The following GMDS variants were observed in gnomAD, a reference collection of about 807,000 sequenced individuals.
The protein encoded by GMDS is GDP-mannose 4,6 dehydratase.
GMDS carries 20 observed loss-of-function variants against 49.9 expected under a neutral mutation model. That is an observed-to-expected ratio of 0.40 (90% CI 0.28 to 0.58). The LOEUF (loss-of-function observed/expected upper bound fraction) is 0.58. GMDS is among the 20% of genes least tolerant of loss of function. The pLI, the probability that GMDS is intolerant of heterozygous loss-of-function variation, is 0.42. For missense variants in GMDS, 362 were observed against 481.4 expected, an observed-to-expected ratio of 0.75 and a Z score of 2.32; for synonymous variants, 177 against 178.6, an observed-to-expected ratio of 0.99 and a Z score of 0.07.
chr6:1,987,430 T>C (rs1046544321), intron 4 of GMDS, among the ~76,000 whole-genome samples: 1 of 152,194 alleles, frequency 6.6e-6, no homozygotes, highest in Non-Finnish European at 1.5e-5. Context: ...CATTGAGTAT[T>C]TGCAAAACTA....
intron 9 of GMDS, among the ~76,000 whole-genome samples, chr6:1,698,831 A>G (rs1406784334): frequency 1.4e-5 from 2 of 147,966 alleles, no homozygotes; most frequent in African/African-American, 5.0e-5. Context: ...TTCCTCAGGA[A>G]GGAGCAGATA....
chr6:1,963,684 A>G (rs1468017430), intron 4 of GMDS, among the ~76,000 whole-genome samples: 2 of 152,082 alleles, frequency 1.3e-5, no homozygotes, highest in Non-Finnish European at 2.9e-5. Context: ...TTTTGTTATC[A>G]GGAAAAGCCA....
chr6:2,081,377 G>A (rs1772684067), intron 4 of GMDS, among the ~76,000 whole-genome samples: 1 of 152,040 alleles, frequency 6.6e-6, no homozygotes, highest in African/African-American at 2.4e-5. Context: ...TTCTTTCCCT[G>A]AACACCCAAC....
chr6:1,848,322 C>G (rs1448787306), intron 7 of GMDS, among the ~76,000 whole-genome samples: 1 of 152,130 alleles, frequency 6.6e-6, no homozygotes, highest in African/African-American at 2.4e-5. Flanking sequence ...CACCCAGAAT[C>G]CCAGGTGATT....
At chr6:1,633,184 G>A (rs1016769195) in intron 9 of GMDS, among the ~76,000 whole-genome samples, 1 of 152,228 alleles carries the variant, frequency 6.6e-6, no homozygotes, top group Non-Finnish European at 1.5e-5. Flanking sequence ...GGATGAAGAT[G>A]TAATATTTTT....
rs1390969564 is a variant in GMDS at position 1,640,056 on chromosome 6, CCGA to C, written c.988-15519_988-15517del. 2.0e-5 allele frequency among the ~76,000 whole-genome samples: 3 copies of C among 152,070 alleles called. No individual in the cohort carries two copies. Among genetic ancestry groups the C allele is most frequent in the Non-Finnish European group, 4.4e-5 (3 of 68,006 alleles). The stretch of plus-strand genomic sequence containing the variant: ...TCAGTGCCTGATGTTGGGTAAGTGC[CCGA>C]CAGACAGCAGCTCCTGCCACTGCAC... On this transcript the variant is annotated intron_variant, in intron 9 of 10. Transcript: ENST00000380815. The surrounding 1 kb of genome is among the most constrained non-coding windows in gnomAD (Gnocchi z 4.0).
chr6:2,160,666 G>C (rs1201526139), intron 1 of GMDS, among the ~76,000 whole-genome samples: 1 of 152,150 alleles, frequency 6.6e-6, no homozygotes, highest in Non-Finnish European at 1.5e-5. Flanking sequence ...CTCCTGGGTA[G>C]CTGGAACTAG....
At chr6:2,050,429 A>T (rs1770311806) in intron 4 of GMDS, among the ~76,000 whole-genome samples, 1 of 152,250 alleles carries the variant, frequency 6.6e-6, no homozygotes, top group Non-Finnish European at 1.5e-5. Flanking sequence ...ATAGATTCAC[A>T]GCCGAATTCT....
intron 4 of GMDS, among the ~76,000 whole-genome samples, chr6:2,006,719 A>T (rs1277773763): frequency 6.6e-6 from 1 of 152,190 alleles, no homozygotes; most frequent in Non-Finnish European, 1.5e-5. Context: ...TTCTGTAACC[A>T]AAAAGCTAGC....
chr6:1,712,566 C>T (rs746011201), intron 9 of GMDS, among the ~76,000 whole-genome samples: 2 of 152,208 alleles, frequency 1.3e-5, no homozygotes, highest in South Asian at 4.1e-4. Flanking sequence ...CAAAATGTCA[C>T]TCACATGGAG....
Position 1,754,268 on chromosome 6 carries a change from T to C in GMDS, c.772-11682A>G, listed in dbSNP as rs1194455562. The stretch of plus-strand genomic sequence containing the variant: ...AATACTATAAACACCTCTATGCAAA[T>C]AAACTAGAAATTCTAGAAGAAATGG... On this transcript the variant is annotated intron_variant, in intron 7 of 10. Transcript: ENST00000380815. 2.0e-5 allele frequency among the ~76,000 whole-genome samples: 3 copies of C among 152,064 alleles called. No homozygotes were observed. In the East Asian group the frequency reaches 5.8e-4, roughly 29 times the overall value.
chr6:1,750,725 C>T (rs564099315), intron 7 of GMDS, among the ~76,000 whole-genome samples: 146 of 152,106 alleles, frequency 9.6e-4, no homozygotes, highest in African/African-American at 3.3e-3. Context: ...GAGAAAGAAC[C>T]GTTCACTCCC....
chr6:1,711,373 A>G (rs1765956561), intron 9 of GMDS, among the ~76,000 whole-genome samples: 3 of 152,218 alleles, frequency 2.0e-5, no homozygotes, highest in Non-Finnish European at 4.4e-5. Context: ...AGTCTGACGT[A>G]CTAGGCTTAA....
intron 4 of GMDS, among the ~76,000 whole-genome samples, chr6:2,037,683 G>A (rs776891916): frequency 2.6e-5 from 4 of 152,086 alleles, no homozygotes; most frequent in South Asian, 2.1e-4. Flanking sequence ...ATAACAAAGC[G>A]CCTGGATGCT....
chr6:2,068,856 G>T (rs143345487), intron 4 of GMDS, among the ~76,000 whole-genome samples: 3,763 of 152,166 alleles, frequency 0.025, 147 homozygotes, highest in African/African-American at 0.084. Flanking sequence ...GTAATTTACA[G>T]ATTCAATGCC....
intron 1 of GMDS, among the ~76,000 whole-genome samples, chr6:2,146,995 T>C (rs548187775): frequency 1.3e-5 from 2 of 152,324 alleles, no homozygotes; most frequent in South Asian, 4.1e-4. Context: ...CCCAAGGGTA[T>C]GAAGACTGGA....
At chr6:2,130,174 G>A (rs1358768618) in intron 1 of GMDS, among the ~76,000 whole-genome samples, 1 of 148,966 alleles carries the variant, frequency 6.7e-6, no homozygotes, top group Non-Finnish European at 1.5e-5. Flanking sequence ...AATTACCAAA[G>A]TGAAGAACAA....
chr6:2,168,525 A>G (rs1247129144), intron 1 of GMDS, among the ~76,000 whole-genome samples: 1 of 152,230 alleles, frequency 6.6e-6, no homozygotes, highest in African/African-American at 2.4e-5. Context: ...TAACTAAGAC[A>G]GTGTATTTAT....
At chr6:2,041,741 T>A (rs892107931) in intron 4 of GMDS, among the ~76,000 whole-genome samples, 2 of 152,142 alleles carry the variant, frequency 1.3e-5, no homozygotes, top group Non-Finnish European at 2.9e-5. Context: ...TTTTTAAACA[T>A]CAATTTTATA....
Sources: gnomAD v4.1 joint callset for allele counts (sites outside exome capture counted in the v4.1 genomes callset) on GRCh38, gnomAD v4.1.1 for gene constraint, Gnocchi (gnomAD v3.1) non-coding constraint, MANE v1.5 for transcripts, NCBI Gene and HGNC (gene_info 2026-07-23, HGNC 2026-07-21) for gene names.